The following CHD1L variants were observed in gnomAD, a reference collection of about 807,000 sequenced individuals.
CHD1L encodes chromodomain helicase DNA binding protein 1 like.
In CHD1L, 118 loss-of-function variants were observed where a neutral mutation model predicts 115.9. That is an observed-to-expected ratio of 1.02 (90% CI 0.88 to 1.19). The LOEUF is 1.19. Ranked by LOEUF, CHD1L falls within the 50% of genes most tolerant of loss-of-function variation. The pLI is 0.00. For synonymous variants in CHD1L, 411 were observed against 387.1 expected (o/e 1.06, Z -0.72); for missense variants, 1,179 against 1,065.3 (o/e 1.11, Z -1.49).
chr1:147,174,184 G>C, the CHD1L span, among the ~76,000 whole-genome samples: 1 of 151,792 alleles, frequency 6.6e-6, no homozygotes, highest in Non-Finnish European at 1.5e-5. Flanking sequence ...AAAAAAAAAA[G>C]GTACGATTTT....
At chr1:147,200,796 ATG>A in the CHD1L span, among the ~76,000 whole-genome samples, 1 of 152,206 alleles carries the variant, frequency 6.6e-6, no homozygotes, top group East Asian at 1.9e-4. Context: ...TCAGAAATAT[ATG>A]CCAGTTGCCT....
intron 8 of CHD1L, among the ~76,000 whole-genome samples, chr1:147,266,794 TGA>T (rs1234237302): frequency 1.8e-4 from 28 of 152,352 alleles, no homozygotes; most frequent in African/African-American, 6.5e-4. Context: ...AATTATATGC[TGA>T]GATTGGTAAG....
At chr1:147,196,272 C>T in the CHD1L span, among the ~76,000 whole-genome samples, 5 of 152,028 alleles carry the variant, frequency 3.3e-5, no homozygotes, top group Admixed American at 3.3e-4. Context: ...ACATTTTAGC[C>T]ATGGGAATTA....
chr1:147,233,523 C>G, the CHD1L span, among the ~76,000 whole-genome samples: 1 of 150,352 alleles, frequency 6.7e-6, no homozygotes, highest in Non-Finnish European at 1.5e-5. Flanking sequence ...AGGTGAGGGG[C>G]GCCTCTGCCC....
chr1:147,273,607 T>C (rs1677120455), intron 12 of CHD1L, among the ~76,000 whole-genome samples: 1 of 152,210 alleles, frequency 6.6e-6, no homozygotes, highest in South Asian at 2.1e-4. Context: ...AGGCAGTGCA[T>C]CATCACTGCC....
chr1:147,263,857 AT>A (rs1214585456), intron 6 of CHD1L, among the ~76,000 whole-genome samples: 109 of 151,714 alleles, frequency 7.2e-4, no homozygotes, highest in African/African-American at 2.6e-3. Context: ...ATTTAAGGAA[AT>A]TTTTTTTCCA....
the CHD1L span, among the ~76,000 whole-genome samples, chr1:147,237,263 A>G: frequency 0.11 from 16,048 of 152,056 alleles, 948 homozygotes; most frequent in East Asian, 0.16. Context: ...ATGGGGTGGG[A>G]GGTCTTACAG....
At chr1:147,236,356 T>G in the CHD1L span, among the ~76,000 whole-genome samples, 1 of 152,232 alleles carries the variant, frequency 6.6e-6, no homozygotes, top group African/African-American at 2.4e-5. Flanking sequence ...GCAATGGGCA[T>G]GTTTCAGCCC....
chr1:147,269,842 C>G (rs1675465387), intron 10 of CHD1L, among the ~76,000 whole-genome samples: 1 of 152,050 alleles, frequency 6.6e-6, no homozygotes, highest in African/African-American at 2.4e-5. Flanking sequence ...TAGGTATGGC[C>G]TGAACTAATC....
chr1:147,231,332 A>G, the CHD1L span, among the ~76,000 whole-genome samples: 1 of 152,148 alleles, frequency 6.6e-6, no homozygotes, highest in Non-Finnish European at 1.5e-5. Flanking sequence ...TGAGTTCCTT[A>G]ATCCTGAGTT....
chr1:147,242,940 G>C (rs1315883181), intron 1 of CHD1L, 110 bp downstream of exon 1: 3 of 1,169,160 alleles, frequency 2.6e-6, no homozygotes, highest in Admixed American at 4.3e-5. Flanking sequence ...TTACCCGCTC[G>C]CGCCAGGGCC....
At chr1:147,270,226 CTTTG>C (rs1372435692) in intron 10 of CHD1L, among the ~76,000 whole-genome samples, 1 of 152,114 alleles carries the variant, frequency 6.6e-6, no homozygotes, top group East Asian at 1.9e-4. Context: ...TGCTGTGCTT[CTTTG>C]TTTATGCAAA....
chr1:147,210,757 T>C, the CHD1L span: 2 of 152,210 alleles, frequency 1.3e-5, no homozygotes, highest in East Asian at 3.9e-4. Flanking sequence ...TAGTAAACAC[T>C]TGATAAGTGC....
intron 14 of CHD1L, among the ~76,000 whole-genome samples, chr1:147,278,685 G>A (rs1333309594): frequency 2.6e-5 from 4 of 152,118 alleles, no homozygotes; most frequent in African/African-American, 9.7e-5. Context: ...AGATGCAGGT[G>A]TAGTGAACAC....
chr1:147,249,032 A>T (rs1667519585), intron 1 of CHD1L, among the ~76,000 whole-genome samples: 1 of 152,178 alleles, frequency 6.6e-6, no homozygotes, highest in Non-Finnish European at 1.5e-5. Flanking sequence ...CTGCATTCTC[A>T]CCTTGATGTT....
chr1:147,196,204 A>G, the CHD1L span, among the ~76,000 whole-genome samples: 1 of 152,142 alleles, frequency 6.6e-6, no homozygotes, highest in Admixed American at 6.5e-5. Context: ...CTCTTAAAAT[A>G]TGGAACTCAG....
chr1:147,212,515 G>A, the CHD1L span: 5 of 1,613,482 alleles, frequency 3.1e-6, no homozygotes, highest in Non-Finnish European at 4.2e-6. Flanking sequence ...TGGAAGTACT[G>A]CCCTTTGAAC....
chr1:147,222,581 TA>T, the CHD1L span, among the ~76,000 whole-genome samples: 1 of 152,136 alleles, frequency 6.6e-6, no homozygotes, highest in Non-Finnish European at 1.5e-5. Context: ...TGGGGAGCTT[TA>T]AAAAATGGAG....
At chr1:147,248,707 T>C (rs1553934931) in intron 1 of CHD1L, among the ~76,000 whole-genome samples, 1 of 152,216 alleles carries the variant, frequency 6.6e-6, no homozygotes, top group African/African-American at 2.4e-5. Flanking sequence ...TTTATCTCTT[T>C]GTGTAGCTTT....
Sources: gnomAD v4.1 joint callset for allele counts (sites outside exome capture counted in the v4.1 genomes callset) on GRCh38, gnomAD v4.1.1 for gene constraint, MANE v1.5 for transcripts, NCBI Gene and HGNC (gene_info 2026-07-23, HGNC 2026-07-21) for gene names.